Variants in UPK3B observed in about 807,000 individuals in gnomAD.
UPK3B encodes uroplakin-3b.
Under a neutral mutation model 27.6 loss-of-function variants are expected in UPK3B, and 21 were observed. That is an observed-to-expected ratio of 0.76 (90% CI 0.54 to 1.10). The LOEUF (loss-of-function observed/expected upper bound fraction) is 1.10, where lower values mean the gene tolerates loss of function less well. Ranked by LOEUF, UPK3B falls within the 50% of genes least tolerant of loss-of-function variation. The pLI is 0.00. For synonymous variants in UPK3B, 141 were observed against 162.3 expected (o/e 0.87, Z 1.00); for missense variants, 306 against 376.1 (o/e 0.81, Z 1.54).
rs1464585125 is a variant in UPK3B, at chr7:76,513,124, G to A, written c.502G>A (p.Ala168Thr). Reference sequence around the variant, plus strand: ...GATGGACACCAGGGGCTCACCCAGGGCTGAGACCAAGTGGTCAGACCCCAT... The same window carrying A: ...GATGGACACCAGGGGCTCACCCAGGACTGAGACCAAGTGGTCAGACCCCAT... ...LLMDTRGSPR[A>T]ETKWSDPITL... The change falls in exon 4 of 6, where the codon GCT (alanine) becomes ACT (threonine). Residue 168 changes from alanine to threonine, a missense_variant. Transcript: ENST00000334348. 6 of 1,613,766 alleles carry A rather than the reference G, an allele frequency of 3.7e-6. No individual in the cohort carries two copies. Among genetic ancestry groups the A allele is most frequent in the Non-Finnish European group, 4.2e-6 (5 of 1,179,950 alleles).
Position 76,513,799 on chromosome 7 carries a change from G to A in UPK3B, c.542-148G>A, listed in dbSNP as rs112379244. 4.0e-4 allele frequency: 460 copies of A among 1,152,732 alleles called. 1 individual carries two copies. The African/African-American group carries it at 5.5e-3, about 14-fold the overall frequency. The allele number at this position is 1,152,732 out of a possible 1,614,324, so 71.4% of individuals were successfully genotyped here. ...CTGTGCCGTCCCGAGGAAGAGGGAC[G>A]GGGGGTGGGATCAGGGGGGCGCCTG... On this transcript the variant is annotated intron_variant, in intron 4 of 5. Transcript: ENST00000334348.
intron 5 of UPK3B, among the ~76,000 whole-genome samples, 197 bp from the exon 6 acceptor site, chr7:76,514,848 G>C (rs1467320249): frequency 2.0e-5 from 3 of 150,828 alleles, no homozygotes; most frequent in African/African-American, 7.3e-5. Context: ...GAAGGTTACA[G>C]TGAGCTTAGA....
chr7:76,515,312 C>T lies in UPK3B; in HGVS notation c.*108C>T, dbSNP rs1377563104. 13 of 1,518,668 alleles carry T rather than the reference C, an allele frequency of 8.6e-6. No individual in the cohort carries two copies. The African/African-American group carries it at 1.7e-4, about 19-fold the overall frequency. 94.1% of individuals were successfully genotyped at this position (1,518,668 alleles called of 1,614,324 possible). ...GGCCCCCTCAGGGCTCCTTGCCTTT[C>T]CCCCCCACCAGCACACCCCGTACCC... On this transcript the variant is annotated 3_prime_UTR_variant, in exon 6 of 6. Coordinates refer to ENST00000334348, the MANE Select transcript of UPK3B (RefSeq NM_001347684.2).
Position 76,511,006 on chromosome 7 carries a change from T to G in UPK3B, c.189T>G (p.Leu63=), listed in dbSNP as rs1812508569. 5.6e-6 allele frequency: 9 copies of G among 1,597,924 alleles called. No individual in the cohort carries two copies. The highest frequency in any genetic ancestry group is 6.8e-6 in the Non-Finnish European group (8 of 1,172,910). The change falls in exon 2 of 6, where the codon CTT becomes CTG. Residue 63 remains leucine, a synonymous_variant. Transcript: ENST00000334348. Reference sequence around the variant, plus strand: ...AGCCGCGCTGTGTCTTCGATGGGCTTGCCAGCGCCAGCGATACCGTCTGGC... The same window carrying G: ...AGCCGCGCTGTGTCTTCGATGGGCTGGCCAGCGCCAGCGATACCGTCTGGC... ...LEQPRCVFDG[L]ASASDTVWLV...
chr7:76,514,986 C>T, intron 5 of UPK3B, 59 bp from the exon 6 acceptor site: 1 of 1,536,648 alleles, frequency 6.5e-7, no homozygotes, highest in Non-Finnish European at 8.8e-7. Flanking sequence ...AGGCCTTGAC[C>T]CAGCACGTGC....
rs771620709 is a variant in UPK3B at position 76,513,934 on chromosome 7, G to GGT, written c.542-5_542-4dup. On this transcript the variant is annotated splice_polypyrimidine_tract_variant and intron_variant, in intron 4 of 5. Transcript: ENST00000334348. ...CGAGGGGCAGCCCCTCTGAGCAGCT[G>GGT]GTGTGTGTGCAGGGAAGACCCCCGG... 70 of 1,613,712 alleles carry GGT rather than the reference G, an allele frequency of 4.3e-5. No homozygotes were observed. The highest frequency in any genetic ancestry group is 5.4e-5 in the Non-Finnish European group (64 of 1,179,894).
intron 3 of UPK3B, among the ~76,000 whole-genome samples, chr7:76,512,846 C>G (rs1426610574): frequency 1.3e-5 from 2 of 151,900 alleles, no homozygotes; most frequent in Non-Finnish European, 2.9e-5. Context: ...CGGCCCAGGT[C>G]TGGTGTCTGG....
chr7:76,511,574 G>C, intron 2 of UPK3B, 83 bp from the exon 3 acceptor site: 1 of 1,377,972 alleles, frequency 7.3e-7, no homozygotes, highest in South Asian at 1.3e-5. Context: ...CAGGGCTGGA[G>C]ACTGGGCGAA....
At chr7:76,514,979 C>A in intron 5 of UPK3B, 66 bp from the exon 6 acceptor site, 1 of 1,529,372 alleles carries the variant, frequency 6.5e-7, no homozygotes. Context: ...GGAGAGCAGG[C>A]CTTGACCCAG....
intron 5 of UPK3B, among the ~76,000 whole-genome samples, chr7:76,514,807 G>A (rs1812668756): frequency 6.6e-6 from 1 of 151,828 alleles, no homozygotes; most frequent in South Asian, 2.1e-4. Flanking sequence ...TCGGGAGGCT[G>A]AGGCAGGAGA....
At chr7:76,514,423 G>A (rs769378459) in intron 5 of UPK3B, among the ~76,000 whole-genome samples, 11 of 152,198 alleles carry the variant, frequency 7.2e-5, no homozygotes, top group Non-Finnish European at 1.5e-4. Flanking sequence ...GGACAGGTTC[G>A]GGAGGTCCCG....
chr7:76,515,451 G>T lies in UPK3B; in HGVS notation c.*247G>T. The T allele has an allele frequency of 1.1e-6, 1 of 875,600 alleles. No individual in the cohort carries two copies. Among genetic ancestry groups the T allele is most frequent in the Non-Finnish European group, 1.4e-6 (1 of 690,000 alleles). 54.2% of individuals were successfully genotyped at this position (875,600 alleles called of 1,614,324 possible). A position where few individuals can be genotyped will look rare whatever the true frequency, so the allele number is the denominator to read the frequency against. ...AGGGTTTAGGGGAGGGCCATGGGCAGGCTGGATACCCAGTCCCCACCTCCA... is the reference window on the plus strand; with the variant it reads ...AGGGTTTAGGGGAGGGCCATGGGCATGCTGGATACCCAGTCCCCACCTCCA... On this transcript the variant is annotated 3_prime_UTR_variant, in exon 6 of 6. Coordinates refer to ENST00000334348, the MANE Select transcript of UPK3B (RefSeq NM_001347684.2).
In UPK3B at chr7:76,515,060, G is replaced by T; in HGVS notation, c.687G>T (p.Trp229Cys). The T allele has an allele frequency of 1.9e-6, 3 of 1,584,640 alleles. No homozygotes were observed. The highest frequency in any genetic ancestry group is 2.6e-6 in the Non-Finnish European group (3 of 1,166,254). Residue 229 changes from tryptophan to cysteine, a missense_variant, in exon 6 of 6, where the codon TGG (tryptophan) becomes TGT (cysteine). Transcript: ENST00000334348. ...CCCCGCCCAGCTCCAGCCTGTGGTGGCCGGAGGAGGCCCCGGAGCAGCTGC... is the reference window on the plus strand; with the variant it reads ...CCCCGCCCAGCTCCAGCCTGTGGTGTCCGGAGGAGGCCCCGGAGCAGCTGC... ...ASTMRFSSLW[W>C]PEEAPEQLRI... is the part of the protein sequence containing the mutation.
chr7:76,515,406 A>C lies in UPK3B; in HGVS notation c.*202A>C, dbSNP rs1349404433. 12 of 1,501,136 alleles carry C rather than the reference A, an allele frequency of 8.0e-6. No homozygotes were observed. The highest frequency in any genetic ancestry group is 1.1e-5 in the Non-Finnish European group (12 of 1,129,312). 93.0% of individuals were successfully genotyped at this position (1,501,136 alleles called of 1,614,324 possible). Reference sequence around the variant, plus strand: ...TTCTGGTTTCTCTCCCTCTCCAAGCATCTGTAAGTTGCACTCAGGAGGGTT... The same window carrying C: ...TTCTGGTTTCTCTCCCTCTCCAAGCCTCTGTAAGTTGCACTCAGGAGGGTT... On this transcript the variant is annotated 3_prime_UTR_variant, in exon 6 of 6. Coordinates refer to ENST00000334348, the MANE Select transcript of UPK3B (RefSeq NM_001347684.2).
At position 76,515,386 on chromosome 7, in the gene UPK3B, G is replaced by C; in HGVS notation, c.*182G>C. The stretch of plus-strand genomic sequence containing the variant: ...CCCCTGCCTCTCCTCTGCCTTTCTG[G>C]TTTCTCTCCCTCTCCAAGCATCTGT... On this transcript the variant is annotated 3_prime_UTR_variant, in exon 6 of 6. Transcript: ENST00000334348. 1 of 1,497,754 alleles carries C rather than the reference G, an allele frequency of 6.7e-7. No homozygotes were observed. 92.8% of individuals were successfully genotyped at this position (1,497,754 alleles called of 1,614,324 possible). A position where few individuals can be genotyped will look rare whatever the true frequency, so the allele number is the denominator to read the frequency against.
At position 76,515,197 on chromosome 7, in the gene UPK3B, G is replaced by T. The variant is rs747005762; in HGVS notation, c.824G>T (p.Ser275Ile). 6.9e-6 allele frequency: 11 copies of T among 1,593,622 alleles called. No homozygotes were observed. Among genetic ancestry groups the T allele is most frequent in the Admixed American group, 1.7e-5 (1 of 57,186 alleles). Residue 275 changes from serine to isoleucine, a missense_variant, in exon 6 of 6, where the codon AGC becomes ATC. Ser to Ile is a moderately radical substitution (Grantham distance 142). Coordinates refer to ENST00000334348, the MANE Select transcript of UPK3B (RefSeq NM_001347684.2). ...GGCCTGGACCCCCTCCCCAGCCTCA[G>T]CCCCTAGCCTGGCCTCTTTGCATGG... ...KPGLDPLPSL[S>I]P
intron 5 of UPK3B, 60 bp downstream of exon 5, chr7:76,514,136 C>T: frequency 6.2e-7 from 1 of 1,611,226 alleles, no homozygotes; most frequent in South Asian, 1.1e-5. Flanking sequence ...TTGAATTGGT[C>T]CCAGTGTCTG....
intron 4 of UPK3B, 135 bp from the exon 5 acceptor site, chr7:76,513,812 A>AG: frequency 1.5e-6 from 2 of 1,312,108 alleles, no homozygotes; most frequent in South Asian, 1.3e-5. Flanking sequence ...GGGTGGGATC[A>AG]GGGGGGCGCC....
At position 76,510,557 on chromosome 7, in the gene UPK3B, G is replaced by A. The variant is rs1420892169; in HGVS notation, c.-96G>A. 47 of 1,227,152 alleles carry A rather than the reference G, an allele frequency of 3.8e-5. No homozygotes were observed. Among genetic ancestry groups the A allele is most frequent in the Non-Finnish European group, 4.7e-5 (44 of 942,474 alleles). 76.0% of individuals were successfully genotyped at this position (1,227,152 alleles called of 1,614,324 possible). On this transcript the variant is annotated 5_prime_UTR_variant, in exon 1 of 6. Coordinates refer to ENST00000334348, the MANE Select transcript of UPK3B (RefSeq NM_001347684.2). ...GTCTTTCCAGCCCCTGGGGCAGCCTGATTAACCAGCTTCTCCAGGGCCAAG... is the reference window on the plus strand; with the variant it reads ...GTCTTTCCAGCCCCTGGGGCAGCCTAATTAACCAGCTTCTCCAGGGCCAAG...
Sources: allele counts gnomAD v4.1 joint callset (sites outside exome capture counted in the v4.1 genomes callset), GRCh38; gene constraint gnomAD v4.1.1; transcripts MANE v1.5; gene names NCBI Gene and HGNC (gene_info 2026-07-23, HGNC 2026-07-21).